Variants in GTF2H5 observed in about 807,000 individuals in gnomAD.
The protein encoded by GTF2H5 is general transcription factor IIH subunit 5, also known as TFB5 ortholog.
A neutral mutation model predicts 7.1 loss-of-function variants in GTF2H5; 5 were observed. That is an observed-to-expected ratio of 0.71 (90% CI 0.37 to 1.49). GTF2H5 has a LOEUF of 1.49. Among genes scored for constraint, GTF2H5 ranks in the 40% most tolerant of loss-of-function variants. GTF2H5 has a pLI of 0.03. For synonymous variants in GTF2H5, 30 were observed against 31.7 expected (o/e 0.95, Z 0.18); for missense variants, 80 against 83.0 (o/e 0.96, Z 0.14).
chr6:158,168,396 G>C lies in GTF2H5; in HGVS notation c.-35+1G>C, dbSNP rs1166871904. The C allele has an allele frequency of 6.6e-6, 1 of 152,486 alleles. No homozygotes were observed. Among genetic ancestry groups the C allele is most frequent in the East Asian group, 1.9e-4 (1 of 5,192 alleles). The allele number at this position is 152,486 out of a possible 1,614,324, so 9.4% of individuals were successfully genotyped here. A position where few individuals can be genotyped will look rare whatever the true frequency, so the allele number is the denominator to read the frequency against. ...GGCGCTTCTGCATCTGTGGGCCGAG[G>C]TGTGTGGCGAGCGTCCGAGCGGCTG... is the stretch of plus-strand genomic sequence containing the variant. On this transcript the variant is annotated splice_donor_variant, in intron 1 of 2. Transcript: ENST00000607778. LOFTEE classifies it low-confidence loss of function (5UTR_SPLICE).
rs1013907244 is a variant in GTF2H5 at position 158,198,603 on chromosome 6, G to A, written c.*6446G>A. On this transcript the variant is annotated 3_prime_UTR_variant, in exon 3 of 3. Transcript: ENST00000607778. ...CTAATCTTGTATTTTTGGTAGAGACGGGGTTTGCACCATGTTGGCCAGGCT... is the reference window on the plus strand; with the variant it reads ...CTAATCTTGTATTTTTGGTAGAGACAGGGTTTGCACCATGTTGGCCAGGCT... The A allele has an allele frequency of 4.6e-5, 7 of 152,314 alleles. No homozygotes were observed. Among genetic ancestry groups the A allele is most frequent in the South Asian group, 2.1e-4 (1 of 4,824 alleles). 9.4% of individuals were successfully genotyped at this position (152,314 alleles called of 1,614,324 possible). A position where few individuals can be genotyped will look rare whatever the true frequency, so the allele number is the denominator to read the frequency against.
chr6:158,192,682 T>A lies in GTF2H5; in HGVS notation c.*525T>A, dbSNP rs1345538242. 1 of 160,006 alleles carries A rather than the reference T, an allele frequency of 6.2e-6. No homozygotes were observed. The highest frequency in any genetic ancestry group is 1.4e-5 in the Non-Finnish European group (1 of 72,582). The allele number at this position is 160,006 out of a possible 1,614,324, so 9.9% of individuals were successfully genotyped here. A position where few individuals can be genotyped will look rare whatever the true frequency, so the allele number is the denominator to read the frequency against. On this transcript the variant is annotated 3_prime_UTR_variant, in exon 3 of 3. Transcript: ENST00000607778. The stretch of plus-strand genomic sequence containing the variant: ...TTGCATTTCCCTGAAAACAGAATAT[T>A]GTTTTTAAGAGGGTTAGAAACAACC...
At chr6:158,184,186 G>A (rs527357367) in intron 2 of GTF2H5, among the ~76,000 whole-genome samples, 4 of 152,078 alleles carry the variant, frequency 2.6e-5, no homozygotes, top group South Asian at 2.1e-4. Flanking sequence ...TGGGGTTAGC[G>A]GGTACATCAC....
chr6:158,187,342 G>A (rs1776947038), intron 2 of GTF2H5, among the ~76,000 whole-genome samples: 1 of 151,922 alleles, frequency 6.6e-6, no homozygotes, highest in South Asian at 2.1e-4. Context: ...CCCTGGATCA[G>A]GGAAAAGACC....
rs1335705925 is a variant in GTF2H5 at position 158,193,236 on chromosome 6, T to C, written c.*1079T>C. On this transcript the variant is annotated 3_prime_UTR_variant, in exon 3 of 3. Transcript: ENST00000607778. ...TCAAGGCTGCAGTGAACCTTGATCA[T>C]TGCTACTGCCACTCCAGCCTAGGTG... 7.3e-6 allele frequency: 1 copy of C among 136,198 alleles called. No individual in the cohort carries two copies. Among genetic ancestry groups the C allele is most frequent in the African/African-American group, 2.9e-5 (1 of 34,424 alleles). The allele number at this position is 136,198 out of a possible 1,614,324, so 8.4% of individuals were successfully genotyped here.
rs1469903545 is a variant in GTF2H5, at chr6:158,182,432, G to A, written c.36-9545G>A. Among the ~76,000 whole-genome samples, 7 of 152,224 alleles carry A rather than the reference G, an allele frequency of 4.6e-5. No homozygotes were observed. In the East Asian group the frequency reaches 1.2e-3, roughly 25 times the overall value. On this transcript the variant is annotated intron_variant, in intron 2 of 2. Coordinates refer to ENST00000607778, the MANE Select transcript of GTF2H5 (RefSeq NM_207118.3). The stretch of plus-strand genomic sequence containing the variant: ...TTTCAATGTTGGCCTGCCTTGCTAG[G>A]TTGGGGAAATTCTCCTGGATAATAT...
intron 2 of GTF2H5, among the ~76,000 whole-genome samples, chr6:158,171,968 A>G (rs1785862485): frequency 6.6e-6 from 1 of 152,324 alleles, no homozygotes; most frequent in East Asian, 1.9e-4. Flanking sequence ...TTAATTTGAC[A>G]TAACATAAAC....
At chr6:158,171,372 C>G (rs977367853) in intron 2 of GTF2H5, among the ~76,000 whole-genome samples, 3 of 152,214 alleles carry the variant, frequency 2.0e-5, no homozygotes, top group African/African-American at 7.2e-5. Flanking sequence ...TTTTACAGCA[C>G]ATCTCACAGA....
chr6:158,168,663 T>G (rs1258032292), intron 1 of GTF2H5, among the ~76,000 whole-genome samples: 1 of 152,128 alleles, frequency 6.6e-6, no homozygotes, highest in African/African-American at 2.4e-5. Flanking sequence ...GTACGCTGAG[T>G]GGTTTGTTTC....
chr6:158,169,248 C>CAT (rs560585305), intron 1 of GTF2H5, among the ~76,000 whole-genome samples: 91 of 128,588 alleles, frequency 7.1e-4, no homozygotes, highest in African/African-American at 1.8e-3. Context: ...TGTATATATA[C>CAT]ATATATATAT....
chr6:158,169,583 ATAAT>A (rs1286158258), intron 1 of GTF2H5, among the ~76,000 whole-genome samples: 2 of 91,880 alleles, frequency 2.2e-5, no homozygotes, highest in African/African-American at 4.6e-5. Context: ...TATATTATAT[ATAAT>A]ATATTGTATA....
chr6:158,192,005 T>C lies in GTF2H5; in HGVS notation c.64T>C (p.Tyr22His), dbSNP rs1777036638. 1 of 1,614,052 alleles carries C rather than the reference T, an allele frequency of 6.2e-7. No homozygotes were observed. The highest frequency in any genetic ancestry group is 1.7e-5 in the Admixed American group (1 of 60,010). ...TCCTGCCATGAAGCAGTTTCTGCTG[T>C]ACTTGGATGAGTCCAATGCCCTGGG... ...CDPAMKQFLL[Y>H]LDESNALGKK... Residue 22 changes from tyrosine to histidine, a missense_variant, in exon 3 of 3, where the codon TAC becomes CAC. Coordinates refer to ENST00000607778, the MANE Select transcript of GTF2H5 (RefSeq NM_207118.3).
intron 2 of GTF2H5, among the ~76,000 whole-genome samples, chr6:158,172,285 C>G (rs1197638253): frequency 2.7e-5 from 4 of 150,446 alleles, no homozygotes; most frequent in African/African-American, 9.7e-5. Flanking sequence ...AGAGAAGAGA[C>G]ATATTATTAG....
rs186454623 is a variant in GTF2H5, at chr6:158,170,685, A to G, written c.35+147A>G. The G allele has an allele frequency of 2.8e-5, 19 of 685,434 alleles. No homozygotes were observed. The African/African-American group carries it at 3.4e-4, about 12-fold the overall frequency. The allele number at this position is 685,434 out of a possible 1,614,324, so 42.5% of individuals were successfully genotyped here. On this transcript the variant is annotated intron_variant, in intron 2 of 2. Coordinates refer to ENST00000607778, the MANE Select transcript of GTF2H5 (RefSeq NM_207118.3). ...ACAAGTGGCACAGATTTTGTTGCAA[A>G]GCTCCTGGTGCCAGATTTCAGTCCC...
At chr6:158,181,745 C>A (rs1786013581) in intron 2 of GTF2H5, among the ~76,000 whole-genome samples, 1 of 151,524 alleles carries the variant, frequency 6.6e-6, no homozygotes, top group South Asian at 2.1e-4. Context: ...CTTCCTCCAT[C>A]CCTTTATTTT....
intron 1 of GTF2H5, among the ~76,000 whole-genome samples, chr6:158,169,394 ATAT>A (rs1347105088): frequency 0.012 from 1,071 of 89,710 alleles, 44 homozygotes; most frequent in African/African-American, 0.031. Flanking sequence ...ATTATATATA[ATAT>A]TATATTGTAT....
At chr6:158,175,011 TGTGTG>T (rs1261807325) in intron 2 of GTF2H5, among the ~76,000 whole-genome samples, 3 of 16,700 alleles carry the variant, frequency 1.8e-4, no homozygotes, top group East Asian at 1.4e-3. Flanking sequence ...GTGCCTGAGA[TGTGTG>T]TGTGTGTGTG....
At chr6:158,185,852 G>A (rs1013088124) in intron 2 of GTF2H5, among the ~76,000 whole-genome samples, 1 of 152,016 alleles carries the variant, frequency 6.6e-6, no homozygotes. Flanking sequence ...AAAAAATCTG[G>A]GTGCAGTGAC....
chr6:158,172,960 C>T (rs896235565), intron 2 of GTF2H5, among the ~76,000 whole-genome samples: 5 of 152,100 alleles, frequency 3.3e-5, no homozygotes, highest in African/African-American at 1.2e-4. Context: ...CTGAATTCTA[C>T]CTGGTCTCTC....
Sources: gnomAD v4.1 joint callset for allele counts (sites outside exome capture counted in the v4.1 genomes callset) on GRCh38, gnomAD v4.1.1 for gene constraint, MANE v1.5 for transcripts, NCBI Gene and HGNC (gene_info 2026-07-23, HGNC 2026-07-21) for gene names.